SUPT3H: variants seen among roughly 807,000 people sequenced by gnomAD.
SUPT3H encodes SPT3 homolog, SAGA and STAGA complex component, also known as transcription initiation protein SPT3 homolog.
In SUPT3H, 44 loss-of-function variants were observed where a neutral mutation model predicts 44.3. That is an observed-to-expected ratio of 0.99 (90% confidence interval 0.78 to 1.28). SUPT3H has a LOEUF of 1.28. Among genes scored for constraint, SUPT3H ranks in the 50% most tolerant of loss-of-function variants. The pLI, the probability that SUPT3H is intolerant of heterozygous loss-of-function variation, is 0.00. For missense variants in SUPT3H, 380 were observed against 387.1 expected (o/e 0.98, Z 0.15); for synonymous variants, 124 against 125.6 (o/e 0.99, Z 0.09).
intron 1 of SUPT3H, among the ~76,000 whole-genome samples, chr6:45,373,753 A>G (rs1338350312): frequency 3.9e-5 from 6 of 152,122 alleles, no homozygotes; most frequent in Admixed American, 3.3e-4. Flanking sequence ...GGGTTTCGCC[A>G]TGTTGGCCAG....
intron 10 of SUPT3H, among the ~76,000 whole-genome samples, chr6:44,892,756 G>C (rs1200373428): frequency 6.6e-6 from 1 of 152,168 alleles, no homozygotes; most frequent in Non-Finnish European, 1.5e-5. Context: ...CCTTCAGACA[G>C]ATTAGTGGTA....
chr6:45,100,541 TAAAA>T (rs58120512), intron 3 of SUPT3H, among the ~76,000 whole-genome samples: 3,144 of 33,410 alleles, frequency 0.094, 80 homozygotes, highest in South Asian at 0.18. Context: ...ACCCTGTACT[TAAAA>T]AAAAAAAAAA....
downstream of SUPT3H, among the ~76,000 whole-genome samples, chr6:44,822,532 G>A (rs1313227130): frequency 6.6e-6 from 1 of 152,096 alleles, no homozygotes; most frequent in African/African-American, 2.4e-5. Flanking sequence ...GAACTCAAAG[G>A]TTCTTAGGTC....
At chr6:45,014,135 TA>T (rs1783891377) in intron 5 of SUPT3H, among the ~76,000 whole-genome samples, 1 of 152,086 alleles carries the variant, frequency 6.6e-6, no homozygotes, top group South Asian at 2.1e-4. Flanking sequence ...TATTTTACTT[TA>T]TAATTTCTAT....
At chr6:44,930,767 C>A (rs936840946) in intron 10 of SUPT3H, among the ~76,000 whole-genome samples, 17 of 152,222 alleles carry the variant, frequency 1.1e-4, no homozygotes, top group South Asian at 6.2e-4. Flanking sequence ...GCTAACTGAA[C>A]CTTCCAGGTC....
chr6:45,026,759 TGA>T (rs1786069369), intron 3 of SUPT3H, among the ~76,000 whole-genome samples: 1 of 152,120 alleles, frequency 6.6e-6, no homozygotes, highest in South Asian at 2.1e-4. Flanking sequence ...TGACTTATTA[TGA>T]GAGGTGAAAA....
At chr6:45,011,834 T>C (rs1783531829) in intron 5 of SUPT3H, among the ~76,000 whole-genome samples, 1 of 152,132 alleles carries the variant, frequency 6.6e-6, no homozygotes, top group Non-Finnish European at 1.5e-5. Flanking sequence ...AGCTTGCTTT[T>C]AGCCTTAAAA....
intron 10 of SUPT3H, among the ~76,000 whole-genome samples, chr6:44,843,892 C>T (rs978787977): frequency 3.4e-5 from 5 of 147,286 alleles, no homozygotes; most frequent in East Asian, 2.0e-4. Flanking sequence ...CTCAAAGGAC[C>T]TTGAACAGCC....
chr6:44,966,646 T>A (rs1776821327), intron 6 of SUPT3H, among the ~76,000 whole-genome samples: 1 of 152,106 alleles, frequency 6.6e-6, no homozygotes, highest in African/African-American at 2.4e-5. Context: ...CTATTCTAGA[T>A]CATATTACTT....
chr6:45,367,581 G>A (rs572276587), intron 1 of SUPT3H, among the ~76,000 whole-genome samples: 1 of 152,214 alleles, frequency 6.6e-6, no homozygotes, highest in South Asian at 2.1e-4. Flanking sequence ...AAGACCTCAG[G>A]AAATGTTCCC....
Position 45,312,040 on chromosome 6 carries a change from A to G in SUPT3H, c.101+53161T>C, listed in dbSNP as rs575065702. Among the ~76,000 whole-genome samples, 17 of 152,320 alleles carry G rather than the reference A, an allele frequency of 1.1e-4. 1 individual carries two copies. In the Middle Eastern group the frequency reaches 0.017, roughly 152 times the overall value. The stretch of plus-strand genomic sequence containing the variant: ...CTTATAACATACAGAATTGCAGAAT[A>G]GGTAAGAACTCACCAACCAATTATC... On this transcript the variant is annotated intron_variant, in intron 2 of 10. Coordinates refer to ENST00000371459, the MANE Select transcript of SUPT3H (RefSeq NM_003599.4).
At chr6:44,891,679 G>T (rs1233145690) in intron 10 of SUPT3H, among the ~76,000 whole-genome samples, 1 of 151,982 alleles carries the variant, frequency 6.6e-6, no homozygotes, top group Non-Finnish European at 1.5e-5. Flanking sequence ...AATGGATAGT[G>T]GTGGTGGTTG....
chr6:45,187,101 TA>T (rs70996308), intron 2 of SUPT3H, among the ~76,000 whole-genome samples: 1,397 of 79,830 alleles, frequency 0.017, 35 homozygotes, highest in Middle Eastern at 0.029. Flanking sequence ...TTTTCGCCTT[TA>T]AAAAAAAAAA....
At chr6:45,299,464 G>A (rs1300871995) in intron 2 of SUPT3H, among the ~76,000 whole-genome samples, 1 of 151,984 alleles carries the variant, frequency 6.6e-6, no homozygotes, top group East Asian at 1.9e-4. Context: ...GAAGATTAGA[G>A]ATTTTAATTC....
intron 2 of SUPT3H, among the ~76,000 whole-genome samples, chr6:45,172,717 A>C (rs1354915215): frequency 6.6e-6 from 1 of 151,236 alleles, no homozygotes; most frequent in East Asian, 2.0e-4. Context: ...TCAGCCTCCC[A>C]AGTAGCTGGG....
intron 2 of SUPT3H, among the ~76,000 whole-genome samples, chr6:45,329,802 GTTA>G (rs1267282328): frequency 6.6e-6 from 1 of 151,910 alleles, no homozygotes; most frequent in African/African-American, 2.4e-5. Context: ...CAGCTGATGT[GTTA>G]TTATAGCAAA....
chr6:45,301,304 T>G (rs1782109986), intron 2 of SUPT3H, among the ~76,000 whole-genome samples: 1 of 152,240 alleles, frequency 6.6e-6, no homozygotes, highest in African/African-American at 2.4e-5. Context: ...CAATTGGAAC[T>G]TGAAACTTAT....
chr6:45,236,909 T>C (rs534119611), intron 2 of SUPT3H, among the ~76,000 whole-genome samples: 30 of 152,262 alleles, frequency 2.0e-4, no homozygotes, highest in Non-Finnish European at 3.2e-4. Context: ...GTGGGGACGG[T>C]AGGATTACTT....
At chr6:44,857,821 A>G (rs1773990458) in intron 10 of SUPT3H, among the ~76,000 whole-genome samples, 1 of 152,198 alleles carries the variant, frequency 6.6e-6, no homozygotes, top group Admixed American at 6.5e-5. Flanking sequence ...TAAAAATCAT[A>G]TACATTTTTG....
Sources: allele counts gnomAD v4.1 joint callset (sites outside exome capture counted in the v4.1 genomes callset), GRCh38; gene constraint gnomAD v4.1.1; transcripts MANE v1.5; gene names NCBI Gene and HGNC (gene_info 2026-07-23, HGNC 2026-07-21).